EIF2AK4: variants seen among roughly 807,000 people sequenced by gnomAD.
EIF2AK4 encodes eIF-2-alpha kinase GCN2.
Under a neutral mutation model 211.1 loss-of-function variants are expected in EIF2AK4, and 139 were observed. The observed-to-expected ratio is 0.66, with a 90% CI of 0.57 to 0.76. The LOEUF (loss-of-function observed/expected upper bound fraction) is 0.76. Ranked by LOEUF, EIF2AK4 falls within the 30% of genes least tolerant of loss-of-function variation. The pLI, the probability that EIF2AK4 is intolerant of heterozygous loss-of-function variation, is 0.00. For synonymous variants in EIF2AK4, 710 were observed against 751.3 expected (o/e 0.94, Z 0.90); for missense variants, 1,664 against 2,043.8 (o/e 0.81, Z 3.58).
At chr15:39,978,852 G>A (rs753234620) in intron 13 of EIF2AK4, among the ~76,000 whole-genome samples, 1 of 152,042 alleles carries the variant, frequency 6.6e-6, no homozygotes, top group African/African-American at 2.4e-5. Context: ...ATAAAACAAA[G>A]CAAACTTCAG....
intron 7 of EIF2AK4, among the ~76,000 whole-genome samples, chr15:39,964,958 C>T (rs971206926): frequency 5.3e-5 from 8 of 152,162 alleles, no homozygotes; most frequent in South Asian, 4.1e-4. Context: ...TTACTGTGCA[C>T]ACTAATCTAT....
intron 26 of EIF2AK4, 114 bp downstream of exon 26, chr15:40,009,844 C>T: frequency 1.3e-6 from 1 of 741,430 alleles, no homozygotes; most frequent in Non-Finnish European, 2.3e-6. Flanking sequence ...AATTGGGAGC[C>T]TTATCTCCTT....
intron 18 of EIF2AK4, among the ~76,000 whole-genome samples, chr15:39,994,665 A>G (rs1003216774): frequency 4.6e-5 from 7 of 152,174 alleles, no homozygotes; most frequent in African/African-American, 1.2e-4. Context: ...GCATCAAAGC[A>G]AATGCTCAGG....
intron 18 of EIF2AK4, among the ~76,000 whole-genome samples, chr15:39,995,028 G>A (rs1329548611): frequency 2.0e-5 from 3 of 152,036 alleles, no homozygotes; most frequent in Admixed American, 6.5e-5. Context: ...TTTTAGTAGA[G>A]ACAGGGTTTC....
chr15:39,957,922 A>G (rs1353493747), intron 6 of EIF2AK4, among the ~76,000 whole-genome samples: 1 of 152,250 alleles, frequency 6.6e-6, no homozygotes, highest in Admixed American at 6.5e-5. Flanking sequence ...GAGAGAAAAG[A>G]GAACCACTCA....
At chr15:39,992,627 C>T (rs1306531454) in intron 17 of EIF2AK4, 142 bp from the exon 18 acceptor site, 3 of 677,152 alleles carry the variant, frequency 4.4e-6, no homozygotes, top group African/African-American at 1.8e-5. Flanking sequence ...TCATTTGGTA[C>T]AATGCATGCT....
rs780970906 is a variant in EIF2AK4, at chr15:40,035,136, A to C, written c.*52A>C. 1.5e-6 allele frequency: 2 copies of C among 1,294,726 alleles called. No individual in the cohort carries two copies. Among genetic ancestry groups the C allele is most frequent in the Non-Finnish European group, 2.1e-6 (2 of 944,416 alleles). The allele number at this position is 1,294,726 out of a possible 1,614,324, so 80.2% of individuals were successfully genotyped here. On this transcript the variant is annotated 3_prime_UTR_variant, in exon 39 of 39. Coordinates refer to ENST00000263791, the MANE Select transcript of EIF2AK4 (RefSeq NM_001013703.4). ...TCAAACAGACAGAGGCTTATACTGGAATAATGGAATGTTGTACATTCATCA... is the reference window on the plus strand; with the variant it reads ...TCAAACAGACAGAGGCTTATACTGGCATAATGGAATGTTGTACATTCATCA...
chr15:40,027,043 A>G (rs1224616200), intron 33 of EIF2AK4, among the ~76,000 whole-genome samples: 1 of 152,236 alleles, frequency 6.6e-6, no homozygotes, highest in East Asian at 1.9e-4. Context: ...ATATTAAAAC[A>G]TAAACATTTT....
intron 12 of EIF2AK4, chr15:39,977,123 G>A: frequency 2.7e-6 from 1 of 364,386 alleles, no homozygotes; most frequent in Non-Finnish European, 4.8e-6. Context: ...CAGACGTGTT[G>A]ACCATGTTTA....
At chr15:39,970,011 T>G (rs2140914507) in intron 9 of EIF2AK4, among the ~76,000 whole-genome samples, 1 of 152,310 alleles carries the variant, frequency 6.6e-6, no homozygotes, top group East Asian at 1.9e-4. Context: ...TCCTCCTCTG[T>G]GAAACTGGGA....
intron 14 of EIF2AK4, among the ~76,000 whole-genome samples, chr15:39,987,071 G>T (rs974440376): frequency 1.3e-5 from 2 of 152,262 alleles, no homozygotes; most frequent in Admixed American, 1.3e-4. Flanking sequence ...AGTTGGAGCT[G>T]GTTTTAGGTA....
chr15:39,960,953 A>G (rs2034463418), intron 6 of EIF2AK4, among the ~76,000 whole-genome samples: 1 of 152,222 alleles, frequency 6.6e-6, no homozygotes. Context: ...TGATCTCTCT[A>G]GAGATCTGTC....
At chr15:40,003,779 C>G (rs761579840) in intron 23 of EIF2AK4, among the ~76,000 whole-genome samples, 1 of 152,184 alleles carries the variant, frequency 6.6e-6, no homozygotes, top group African/African-American at 2.4e-5. Flanking sequence ...TCTTCCGACC[C>G]CCAGGGATCC....
chr15:39,957,382 G>T (rs2034405561), intron 6 of EIF2AK4, among the ~76,000 whole-genome samples: 1 of 152,000 alleles, frequency 6.6e-6, no homozygotes, highest in Admixed American at 6.5e-5. Flanking sequence ...ACCAGCCTGG[G>T]CAACAAACTC....
At chr15:39,980,190 G>A (rs6492924) in intron 13 of EIF2AK4, among the ~76,000 whole-genome samples, 128,668 of 152,188 alleles carry the variant, frequency 0.85, 55,138 homozygotes, top group Non-Finnish European at 0.91. Context: ...TTTAAGGGTT[G>A]CAGCTACCTC....
intron 27 of EIF2AK4, among the ~76,000 whole-genome samples, chr15:40,012,765 A>G (rs1425467051): frequency 6.6e-6 from 1 of 152,128 alleles, no homozygotes; most frequent in African/African-American, 2.4e-5. Flanking sequence ...ATCTCTAACC[A>G]CTGGTTATTC....
At chr15:39,942,752 A>G (rs2034164130) in intron 2 of EIF2AK4, among the ~76,000 whole-genome samples, 1 of 152,214 alleles carries the variant, frequency 6.6e-6, no homozygotes, top group Non-Finnish European at 1.5e-5. Flanking sequence ...ATTTATACAC[A>G]AGAAGTGAGC....
Position 39,934,253 on chromosome 15 carries a change from C to T in EIF2AK4, c.58C>T (p.Pro20Ser). 6.2e-7 allele frequency: 1 copy of T among 1,610,216 alleles called. No homozygotes were observed. Among genetic ancestry groups the T allele is most frequent in the South Asian group, 1.1e-5 (1 of 90,552 alleles). Residue 20 changes from proline to serine, a missense_variant, in exon 1 of 39, where the codon CCG (proline) becomes TCG (serine). Physicochemically the swap from Pro to Ser is moderately conservative, Grantham distance 74. Coordinates refer to ENST00000263791, the MANE Select transcript of EIF2AK4 (RefSeq NM_001013703.4). ...CCGGGACGAGCCTCCGGAGAGCTAC[C>T]CGCAACGACAGGACCACGAGCTACA... ...RGRDEPPESY[P>S]QRQDHELQAL...
intron 20 of EIF2AK4, 112 bp downstream of exon 20, chr15:39,998,896 C>A: frequency 1.2e-6 from 1 of 839,706 alleles, no homozygotes. Flanking sequence ...GTCCTGGGAA[C>A]AACGTGGGGA....
Sources: gnomAD v4.1 joint callset for allele counts (sites outside exome capture counted in the v4.1 genomes callset) on GRCh38, gnomAD v4.1.1 for gene constraint, MANE v1.5 for transcripts, NCBI Gene and HGNC (gene_info 2026-07-23, HGNC 2026-07-21) for gene names.